Variants in ZHX2 observed in about 807,000 individuals in gnomAD.
ZHX2 encodes zinc fingers and homeoboxes protein 2.
A neutral mutation model predicts 21.9 loss-of-function variants in ZHX2; 6 were observed. That is an observed-to-expected ratio of 0.27 (90% confidence interval 0.15 to 0.54). ZHX2 has a LOEUF of 0.54. Ranked by LOEUF, ZHX2 falls within the 20% of genes least tolerant of loss-of-function variation. The probability of loss-of-function intolerance (pLI) is 0.95; values close to 1 mark genes in which losing one functional copy is unlikely to be tolerated. For synonymous variants in ZHX2, 434 were observed against 437.1 expected, an observed-to-expected ratio of 0.99 and a Z score of 0.09; for missense variants, 908 against 1,090.7, an observed-to-expected ratio of 0.83 and a Z score of 2.36.
At position 122,952,392 on chromosome 8, in the gene ZHX2, G is replaced by C; in HGVS notation, c.882G>C (p.Trp294Cys). The C allele has an allele frequency of 6.2e-7, 1 of 1,614,150 alleles. No individual in the cohort carries two copies. Among genetic ancestry groups the C allele is most frequent in the Non-Finnish European group, 8.5e-7 (1 of 1,180,034 alleles). ...FPYPTQAELS[W>C]LTAASKHPEE... ...ACCCGACCCAGGCTGAGTTGTCCTG[G>C]CTGACAGCTGCCTCCAAACACCCAG... Residue 294 changes from tryptophan (W) to cysteine (C), a missense_variant, in exon 3 of 4, where the codon TGG (tryptophan) becomes TGC (cysteine). Physicochemically the swap from Trp to Cys is radical, Grantham distance 215. Coordinates refer to ENST00000314393, the MANE Select transcript of ZHX2 (RefSeq NM_014943.5). The surrounding 1 kb of genome is among the most constrained non-coding windows in gnomAD (Gnocchi z 6.9).
At chr8:122,901,012 A>G (rs1478379755) in intron 2 of ZHX2, among the ~76,000 whole-genome samples, 1 of 152,230 alleles carries the variant, frequency 6.6e-6, no homozygotes, top group Non-Finnish European at 1.5e-5. Flanking sequence ...AGGAGTATGA[A>G]GAAAAAATAT....
chr8:122,797,596 C>T (rs1303031766), intron 1 of ZHX2, among the ~76,000 whole-genome samples: 1 of 147,178 alleles, frequency 6.8e-6, no homozygotes, highest in East Asian at 2.0e-4. Context: ...AAAGTCCAGA[C>T]CTGAACAGAA....
chr8:122,877,986 G>C (rs373168929), intron 2 of ZHX2, among the ~76,000 whole-genome samples: 12 of 152,254 alleles, frequency 7.9e-5, no homozygotes, highest in East Asian at 1.9e-4. Flanking sequence ...TGAGACATAA[G>C]GGGGAGAGCA....
chr8:122,853,929 A>G (rs1055058032), intron 1 of ZHX2, among the ~76,000 whole-genome samples: 1 of 152,104 alleles, frequency 6.6e-6, no homozygotes, highest in Non-Finnish European at 1.5e-5. Context: ...TTTTTAACAC[A>G]TCACTCCAGC....
chr8:122,846,349 C>G (rs1488160420), intron 1 of ZHX2, among the ~76,000 whole-genome samples: 1 of 152,178 alleles, frequency 6.6e-6, no homozygotes, highest in African/African-American at 2.4e-5. Flanking sequence ...GTCTTATTCT[C>G]TTGCTCCTGG....
At chr8:122,876,665 G>A (rs1301912798) in intron 2 of ZHX2, among the ~76,000 whole-genome samples, 3 of 152,180 alleles carry the variant, frequency 2.0e-5, no homozygotes. Flanking sequence ...GGGGTAGCGT[G>A]ATAGCATTAT....
rs755625468 is a variant in ZHX2 at position 122,923,447 on chromosome 8, G to A, written c.-219-27845G>A. On this transcript the variant is annotated intron_variant, in intron 2 of 3. Coordinates refer to ENST00000314393, the MANE Select transcript of ZHX2 (RefSeq NM_014943.5). The stretch of plus-strand genomic sequence containing the variant: ...AAACTGCATGTCCTCTTAAACTGTC[G>A]TAGGTTCTTAAATATGTCCAGAACT... Among the ~76,000 whole-genome samples the A allele has an allele frequency of 5.6e-4, 86 of 152,296 alleles. No homozygotes were observed. In the Middle Eastern group the frequency reaches 0.01, roughly 18 times the overall value.
At chr8:122,883,732 C>T (rs933107898) in intron 2 of ZHX2, among the ~76,000 whole-genome samples, 6 of 152,152 alleles carry the variant, frequency 3.9e-5, no homozygotes, top group African/African-American at 1.4e-4. Flanking sequence ...GAAAGAAAGA[C>T]CCGTTTGTTG....
intron 1 of ZHX2, among the ~76,000 whole-genome samples, chr8:122,801,812 G>A (rs1228960316): frequency 3.3e-5 from 5 of 152,102 alleles, no homozygotes; most frequent in Non-Finnish European, 7.4e-5. Flanking sequence ...TGCCCTAAAC[G>A]CACATCTGGA....
chr8:122,847,756 G>A (rs1206571144), intron 1 of ZHX2, among the ~76,000 whole-genome samples: 1 of 152,198 alleles, frequency 6.6e-6, no homozygotes, highest in Non-Finnish European at 1.5e-5. Context: ...ACGCCTGAGA[G>A]TACCTCACCA....
chr8:122,920,435 A>C (rs10086546), intron 2 of ZHX2, among the ~76,000 whole-genome samples: 1 of 152,118 alleles, frequency 6.6e-6, no homozygotes, highest in African/African-American at 2.4e-5. Context: ...TTAGTGTACA[A>C]TTCTATGAGT....
intron 2 of ZHX2, among the ~76,000 whole-genome samples, chr8:122,884,241 A>T (rs1264867721): frequency 2.0e-5 from 3 of 152,266 alleles, no homozygotes; most frequent in African/African-American, 7.2e-5. Context: ...CATTGACTGA[A>T]GTGCTGTTAT....
chr8:122,880,552 A>G (rs763752840), intron 2 of ZHX2, among the ~76,000 whole-genome samples: 2 of 152,038 alleles, frequency 1.3e-5, no homozygotes, highest in African/African-American at 2.4e-5. Context: ...AGACAGGTAG[A>G]TCACCTGAGG....
intron 1 of ZHX2, among the ~76,000 whole-genome samples, chr8:122,826,810 A>G (rs1818274603): frequency 6.6e-6 from 1 of 151,690 alleles, no homozygotes; most frequent in African/African-American, 2.4e-5. Flanking sequence ...AGACTGTTAC[A>G]TGTGCAGGGT....
At chr8:122,942,403 A>G (rs1416011578) in intron 2 of ZHX2, among the ~76,000 whole-genome samples, 2 of 152,200 alleles carry the variant, frequency 1.3e-5, no homozygotes, top group African/African-American at 2.4e-5. Flanking sequence ...GAAAGCTCCC[A>G]GACAGCCCTG....
At chr8:122,834,127 AATT>A (rs1292903503) in intron 1 of ZHX2, among the ~76,000 whole-genome samples, 6 of 152,134 alleles carry the variant, frequency 3.9e-5, no homozygotes, top group Non-Finnish European at 4.4e-5. Flanking sequence ...GGTCCTGAAA[AATT>A]AGGTAAAGCA....
At chr8:122,896,176 G>A (rs1005597237) in intron 2 of ZHX2, among the ~76,000 whole-genome samples, 2 of 151,372 alleles carry the variant, frequency 1.3e-5, no homozygotes, top group African/African-American at 4.9e-5. Flanking sequence ...TTGCTCTTCT[G>A]TTCTCCCTGG....
At chr8:122,881,540 A>G (rs980403017) in intron 2 of ZHX2, among the ~76,000 whole-genome samples, 6 of 152,194 alleles carry the variant, frequency 3.9e-5, no homozygotes, top group African/African-American at 1.4e-4. Context: ...AAACATAGGA[A>G]CCGTTTGGTA....
At chr8:122,859,344 T>C (rs1327967086) in intron 1 of ZHX2, among the ~76,000 whole-genome samples, 4 of 152,222 alleles carry the variant, frequency 2.6e-5, no homozygotes, top group Non-Finnish European at 5.9e-5. Flanking sequence ...TGTACTCCAG[T>C]TGCTGCCTAG....
Sources: gnomAD v4.1 joint callset for allele counts (sites outside exome capture counted in the v4.1 genomes callset) on GRCh38, gnomAD v4.1.1 for gene constraint, Gnocchi (gnomAD v3.1) non-coding constraint, MANE v1.5 for transcripts, NCBI Gene and HGNC (gene_info 2026-07-23, HGNC 2026-07-21) for gene names.